AK9: variants seen among roughly 807,000 people sequenced by gnomAD.
The protein encoded by AK9 is adenylate kinase 9, also known as adenylate kinase domain containing 1.
A neutral mutation model predicts 239.6 loss-of-function variants in AK9; 191 were observed. That is an observed-to-expected ratio of 0.80 (90% CI 0.71 to 0.90). AK9 has a LOEUF of 0.90. Among genes scored for constraint, AK9 ranks in the 40% least tolerant of loss-of-function variants. AK9 has a pLI of 0.00. For synonymous variants in AK9, 689 were observed against 721.0 expected (o/e 0.96, Z 0.71); for missense variants, 1,995 against 2,214.7 (o/e 0.90, Z 1.99).
chr6:109,532,165 T>G (rs1781361885), intron 28 of AK9, among the ~76,000 whole-genome samples: 1 of 152,218 alleles, frequency 6.6e-6, no homozygotes, highest in African/African-American at 2.4e-5. Flanking sequence ...CTCTGACACA[T>G]TTTTCCATTC....
At chr6:109,617,235 C>T (rs1794286197) in intron 13 of AK9, among the ~76,000 whole-genome samples, 1 of 152,036 alleles carries the variant, frequency 6.6e-6, no homozygotes, top group South Asian at 2.1e-4. Flanking sequence ...AATATTAATA[C>T]AATCCTCCCA....
Position 109,633,115 on chromosome 6 carries a change from C to A in AK9, c.1074-12G>T. The stretch of plus-strand genomic sequence containing the variant: ...TTTTACCTAGAAAACTTAAAATATG[C>A]CATATTAGTAAACAACTGAAAAGAT... On this transcript the variant is annotated splice_polypyrimidine_tract_variant and intron_variant, in intron 11 of 40. Transcript: ENST00000424296. 6.5e-7 allele frequency: 1 copy of A among 1,547,600 alleles called. No individual in the cohort carries two copies. The highest frequency in any genetic ancestry group is 8.7e-7 in the Non-Finnish European group (1 of 1,154,970).
At chr6:109,570,693 T>C (rs1471016355) in intron 21 of AK9, among the ~76,000 whole-genome samples, 2 of 152,060 alleles carry the variant, frequency 1.3e-5, no homozygotes, top group Non-Finnish European at 2.9e-5. Context: ...ATGAGAACTA[T>C]CAGGAAAAAG....
intron 17 of AK9, among the ~76,000 whole-genome samples, chr6:109,599,030 T>C (rs551014313): frequency 1.8e-3 from 276 of 152,366 alleles, no homozygotes; most frequent in African/African-American, 6.4e-3. Context: ...AGGTTGCCTG[T>C]TCACTCTGAT....
At chr6:109,605,621 T>C (rs1792751819) in intron 17 of AK9, among the ~76,000 whole-genome samples, 1 of 152,020 alleles carries the variant, frequency 6.6e-6, no homozygotes, top group African/African-American at 2.4e-5. Flanking sequence ...AAGAGAGAAA[T>C]GAAACATGAT....
intron 29 of AK9, chr6:109,528,449 T>C (rs987246381): frequency 9.6e-6 from 4 of 416,160 alleles, no homozygotes; most frequent in African/African-American, 2.1e-5. Context: ...AATAAATGAA[T>C]GAAAATCGAG....
At chr6:109,623,198 T>C (rs1795087360) in intron 12 of AK9, among the ~76,000 whole-genome samples, 1 of 152,188 alleles carries the variant, frequency 6.6e-6, no homozygotes, top group Non-Finnish European at 1.5e-5. Flanking sequence ...TGACACATAT[T>C]ATGATGTGAT....
At chr6:109,622,364 G>T (rs1794974909) in intron 12 of AK9, among the ~76,000 whole-genome samples, 1 of 141,094 alleles carries the variant, frequency 7.1e-6, no homozygotes. Context: ...AGTATATATA[G>T]CATACTATAT....
intron 24 of AK9, among the ~76,000 whole-genome samples, chr6:109,558,587 C>A (rs1258116287): frequency 6.6e-6 from 1 of 152,240 alleles, no homozygotes; most frequent in East Asian, 1.9e-4. Context: ...AATCTGTTTG[C>A]TGTTTTGTGC....
intron 12 of AK9, among the ~76,000 whole-genome samples, chr6:109,620,684 TA>T (rs1794702056): frequency 6.6e-6 from 1 of 152,024 alleles, no homozygotes; most frequent in East Asian, 1.9e-4. Flanking sequence ...CAGTTTTTAG[TA>T]CATGCATAGT....
At chr6:109,609,816 A>G (rs1793351923) in intron 17 of AK9, among the ~76,000 whole-genome samples, 1 of 152,248 alleles carries the variant, frequency 6.6e-6, no homozygotes. Flanking sequence ...TGTACAAAAC[A>G]GACCCATATG....
At chr6:109,674,324 A>G (rs963381915) in intron 2 of AK9, 63 bp from the exon 3 acceptor site, 16 of 1,189,852 alleles carry the variant, frequency 1.3e-5, no homozygotes, top group African/African-American at 3.1e-5. Flanking sequence ...ACACAGATAC[A>G]GCAATTTTTA....
intron 35 of AK9, among the ~76,000 whole-genome samples, chr6:109,504,428 T>C (rs1033795957): frequency 4.6e-5 from 7 of 152,184 alleles, no homozygotes; most frequent in African/African-American, 1.2e-4. Flanking sequence ...GCAATGAATA[T>C]TAATAGTTTT....
At chr6:109,610,590 G>A in intron 16 of AK9, 77 bp from the exon 17 acceptor site, 1 of 1,378,334 alleles carries the variant, frequency 7.3e-7, no homozygotes. Context: ...AAACATGATT[G>A]ATAATATCTG....
rs542811731 is a variant in AK9 at position 109,645,462 on chromosome 6, C to G, written c.760-774G>C. Among the ~76,000 whole-genome samples, 4 of 152,346 alleles carry G rather than the reference C, an allele frequency of 2.6e-5. No individual in the cohort carries two copies. In the South Asian group the frequency reaches 8.3e-4, roughly 32 times the overall value. ...CACAGAGCCTTGCTCACTGCTAGCA[C>G]AGCAGTCCAAGATCCAACTGCGAGG... is the stretch of plus-strand genomic sequence containing the variant. On this transcript the variant is annotated intron_variant, in intron 8 of 40. Coordinates refer to ENST00000424296, the MANE Select transcript of AK9 (RefSeq NM_001145128.3).
intron 32 of AK9, among the ~76,000 whole-genome samples, chr6:109,511,489 A>G (rs1325173383): frequency 6.6e-6 from 1 of 152,202 alleles, no homozygotes; most frequent in East Asian, 1.9e-4. Context: ...CCAAGGTTAC[A>G]TAGATGTTGC....
chr6:109,493,831 TA>T (rs1208727570), intron 40 of AK9, 149 bp downstream of exon 40: 36 of 695,028 alleles, frequency 5.2e-5, no homozygotes, highest in Non-Finnish European at 7.1e-5. Context: ...ACATTTTATT[TA>T]AAATATTTGC....
intron 12 of AK9, among the ~76,000 whole-genome samples, chr6:109,629,847 A>G (rs1307291434): frequency 6.6e-6 from 1 of 151,762 alleles, no homozygotes; most frequent in Non-Finnish European, 1.5e-5. Context: ...GTTAGCCAGG[A>G]TGGTCTCGAT....
intron 8 of AK9, among the ~76,000 whole-genome samples, chr6:109,645,602 C>CCTGT (rs1053002531): frequency 1.8e-4 from 27 of 152,164 alleles, no homozygotes; most frequent in African/African-American, 6.5e-4. Flanking sequence ...GGCCTGCCTG[C>CCTGT]CTCTGTAGAC....
Sources: allele counts gnomAD v4.1 joint callset (sites outside exome capture counted in the v4.1 genomes callset), GRCh38; gene constraint gnomAD v4.1.1; transcripts MANE v1.5; gene names NCBI Gene and HGNC (gene_info 2026-07-23, HGNC 2026-07-21).